The following SPAG16 variants were observed in gnomAD, a reference collection of about 807,000 sequenced individuals.
SPAG16 encodes sperm-associated antigen 16 protein.
Under a neutral mutation model 80.4 loss-of-function variants are expected in SPAG16, and 86 were observed. The observed-to-expected ratio is 1.07, with a 90% confidence interval of 0.90 to 1.28. The LOEUF (loss-of-function observed/expected upper bound fraction) is 1.28. Ranked by LOEUF, SPAG16 falls within the 50% of genes most tolerant of loss-of-function variation. The pLI, the probability that SPAG16 is intolerant of heterozygous loss-of-function variation, is 0.00. For synonymous variants in SPAG16, 294 were observed against 265.9 expected, an observed-to-expected ratio of 1.11 and a Z score of -1.03; for missense variants, 870 against 765.3, an observed-to-expected ratio of 1.14 and a Z score of -1.61.
At chr2:214,190,408 A>T (rs1042784099) in intron 15 of SPAG16, among the ~76,000 whole-genome samples, 1 of 152,130 alleles carries the variant, frequency 6.6e-6, no homozygotes. Context: ...CCAAATTTTG[A>T]AAACGAATAT....
At chr2:213,452,808 A>C (rs1224491355) in intron 9 of SPAG16, among the ~76,000 whole-genome samples, 1 of 152,218 alleles carries the variant, frequency 6.6e-6, no homozygotes, top group Non-Finnish European at 1.5e-5. Flanking sequence ...GCCCTAACAC[A>C]ACTTAAAATC....
chr2:213,940,245 CAT>C (rs1333593539), intron 12 of SPAG16, among the ~76,000 whole-genome samples: 1 of 152,072 alleles, frequency 6.6e-6, no homozygotes, highest in Non-Finnish European at 1.5e-5. Flanking sequence ...TTAGAGGTGA[CAT>C]ATAATTTATT....
At chr2:214,068,800 T>C (rs2050648115) in intron 13 of SPAG16, among the ~76,000 whole-genome samples, 1 of 152,156 alleles carries the variant, frequency 6.6e-6, no homozygotes, top group South Asian at 2.1e-4. Context: ...AGAATTTTAA[T>C]GAGAGCATTA....
intron 10 of SPAG16, among the ~76,000 whole-genome samples, chr2:213,651,509 C>A (rs2063022899): frequency 6.6e-6 from 1 of 152,144 alleles, no homozygotes; most frequent in African/African-American, 2.4e-5. Flanking sequence ...GGTAGCCTAG[C>A]CACTGCACCA....
chr2:213,872,128 T>C (rs1575419607), intron 11 of SPAG16, among the ~76,000 whole-genome samples: 1 of 152,246 alleles, frequency 6.6e-6, no homozygotes, highest in Admixed American at 6.5e-5. Flanking sequence ...TTATCTTTGA[T>C]TATCTAGGTT....
chr2:213,730,776 T>C (rs1946414), intron 10 of SPAG16, among the ~76,000 whole-genome samples: 32,658 of 152,190 alleles, frequency 0.21, 4,348 homozygotes, highest in Middle Eastern at 0.33. Context: ...TTCTCTCTTC[T>C]TCTTCAGGTA....
intron 13 of SPAG16, among the ~76,000 whole-genome samples, chr2:214,016,459 T>C (rs768580594): frequency 1.1e-4 from 17 of 152,144 alleles, no homozygotes; most frequent in Non-Finnish European, 2.2e-4. Flanking sequence ...TGGGGATTAT[T>C]ACAATTCAGG....
intron 10 of SPAG16, among the ~76,000 whole-genome samples, chr2:213,648,151 A>G (rs1480462946): frequency 6.6e-6 from 1 of 152,276 alleles, no homozygotes; most frequent in East Asian, 1.9e-4. Context: ...ACCATTTTTT[A>G]TATTTTACTT....
chr2:213,329,350 T>G (rs1321202518), intron 5 of SPAG16, among the ~76,000 whole-genome samples: 1 of 152,128 alleles, frequency 6.6e-6, no homozygotes, highest in Non-Finnish European at 1.5e-5. Flanking sequence ...CTGATAATGA[T>G]ATGGACAAAG....
intron 11 of SPAG16, among the ~76,000 whole-genome samples, chr2:213,910,926 G>A (rs1244010294): frequency 6.6e-6 from 1 of 152,040 alleles, no homozygotes; most frequent in Non-Finnish European, 1.5e-5. Flanking sequence ...AGATCATGTG[G>A]GGACATTTAT....
At chr2:213,699,071 T>C (rs7592552) in intron 10 of SPAG16, among the ~76,000 whole-genome samples, 67,179 of 152,000 alleles carry the variant, frequency 0.44, 15,729 homozygotes, top group African/African-American at 0.59. Flanking sequence ...ATTGCTGTTG[T>C]TGTAGTAGTT....
chr2:213,695,376 T>C (rs951765716), intron 10 of SPAG16, among the ~76,000 whole-genome samples: 13 of 152,190 alleles, frequency 8.5e-5, no homozygotes, highest in Admixed American at 6.5e-5. Flanking sequence ...TATTATACTA[T>C]CCGCTAAACT....
chr2:214,040,866 AT>A (rs2048968081), intron 13 of SPAG16, among the ~76,000 whole-genome samples: 1 of 152,072 alleles, frequency 6.6e-6, no homozygotes. Context: ...CCCTTTCAGC[AT>A]TTAGATTCAG....
intron 13 of SPAG16, among the ~76,000 whole-genome samples, chr2:214,022,531 A>C (rs2047924125): frequency 6.6e-6 from 1 of 152,188 alleles, no homozygotes; most frequent in African/African-American, 2.4e-5. Flanking sequence ...ATGAGAACTC[A>C]GTATCTTTTA....
At chr2:213,965,699 G>A (rs983916878) in intron 12 of SPAG16, among the ~76,000 whole-genome samples, 1 of 152,116 alleles carries the variant, frequency 6.6e-6, no homozygotes, top group Non-Finnish European at 1.5e-5. Context: ...GCACTGTTAT[G>A]CTTTTTTCTC....
At chr2:214,377,279 G>A (rs948243645) in intron 15 of SPAG16, among the ~76,000 whole-genome samples, 8 of 152,132 alleles carry the variant, frequency 5.3e-5, no homozygotes, top group Non-Finnish European at 8.8e-5. Context: ...AAATAACACC[G>A]TTGGACCCAT....
At chr2:213,894,142 C>A (rs757115678) in intron 11 of SPAG16, among the ~76,000 whole-genome samples, 2 of 151,988 alleles carry the variant, frequency 1.3e-5, no homozygotes, top group African/African-American at 2.4e-5. Flanking sequence ...ATAAAGGAGG[C>A]CAAAAGTGCC....
chr2:213,835,402 T>C (rs932504691), intron 10 of SPAG16, among the ~76,000 whole-genome samples: 7 of 152,204 alleles, frequency 4.6e-5, no homozygotes, highest in Non-Finnish European at 1.0e-4. Context: ...GCTTGTCTCA[T>C]AATTATTCTT....
intron 15 of SPAG16, among the ~76,000 whole-genome samples, chr2:214,370,590 C>T (rs1196251896): frequency 6.6e-6 from 1 of 151,982 alleles, no homozygotes; most frequent in Non-Finnish European, 1.5e-5. Flanking sequence ...GTGGTGAGAA[C>T]ATTTAAGGTC....
Sources: gnomAD v4.1 joint callset for allele counts (sites outside exome capture counted in the v4.1 genomes callset) on GRCh38, gnomAD v4.1.1 for gene constraint, MANE v1.5 for transcripts, NCBI Gene and HGNC (gene_info 2026-07-23, HGNC 2026-07-21) for gene names.